Variants in CNTNAP3 observed in about 807,000 individuals in gnomAD.
CNTNAP3 encodes contactin-associated protein-like 3.
CNTNAP3 carries 36 observed loss-of-function variants against 92.1 expected under a neutral mutation model. The ratio of observed to expected loss-of-function variants is 0.39; its 90% confidence interval spans 0.30 to 0.52. The LOEUF (loss-of-function observed/expected upper bound fraction) is 0.52, where lower values mean the gene tolerates loss of function less well. Among genes scored for constraint, CNTNAP3 ranks in the 20% least tolerant of loss-of-function variants. CNTNAP3 has a pLI of 0.76. For missense variants in CNTNAP3, 534 were observed against 1,069.6 expected (o/e 0.50, Z 6.98); for synonymous variants, 232 against 422.3 (o/e 0.55, Z 5.53).
At chr9:39,179,348 C>G (rs1053448815) in intron 4 of CNTNAP3, among the ~76,000 whole-genome samples, 2 of 120,402 alleles carry the variant, frequency 1.7e-5, no homozygotes, top group Non-Finnish European at 3.4e-5. Flanking sequence ...CACAGGCACA[C>G]AGACATCCTA....
chr9:39,135,122 A>G (rs1373387275), intron 12 of CNTNAP3, among the ~76,000 whole-genome samples: 2 of 152,164 alleles, frequency 1.3e-5, no homozygotes, highest in Non-Finnish European at 2.9e-5. Context: ...CACTTGACTC[A>G]CTTCTCCTTA....
rs1480761785 is a variant in CNTNAP3, at chr9:39,067,471, C to CACTGCAAACTCTGCCT, written c.*6403_*6418dup. On this transcript the variant is annotated 3_prime_UTR_variant, in exon 24 of 24. Transcript: ENST00000297668. ...GGAGTGCAATGGCGCAATCTCGGCCCACTGCAAACTCTGCCTCCCGGGTTC... is the reference window on the plus strand; with the variant it reads ...GGAGTGCAATGGCGCAATCTCGGCCCACTGCAAACTCTGCCTACTGCAAACTCTGCCTCCCGGGTTC... Among the ~76,000 whole-genome samples, 1 of 152,306 alleles carries CACTGCAAACTCTGCCT rather than the reference C, an allele frequency of 6.6e-6. No homozygotes were observed. Among genetic ancestry groups the CACTGCAAACTCTGCCT allele is most frequent in the African/African-American group, 2.4e-5 (1 of 41,482 alleles).
intron 12 of CNTNAP3, among the ~76,000 whole-genome samples, chr9:39,138,231 T>A (rs1410951106): frequency 6.6e-6 from 1 of 152,124 alleles, no homozygotes; most frequent in African/African-American, 2.4e-5. Context: ...TAACTGTAAC[T>A]GCTGTAAAGA....
At chr9:39,115,215 G>A (rs1820827668) in intron 14 of CNTNAP3, among the ~76,000 whole-genome samples, 1 of 150,674 alleles carries the variant, frequency 6.6e-6, no homozygotes, top group Non-Finnish European at 1.5e-5. Flanking sequence ...ACATATGCCT[G>A]AAGAGACTTA....
At position 39,118,175 on chromosome 9, in the gene CNTNAP3, C is replaced by T; in HGVS notation, c.2165G>A (p.Cys722Tyr). 1 of 1,611,620 alleles carries T rather than the reference C, an allele frequency of 6.2e-7. No homozygotes were observed. Among genetic ancestry groups the T allele is most frequent in the Non-Finnish European group, 8.5e-7 (1 of 1,179,524 alleles). The change falls in exon 14 of 24, where the codon TGT becomes TAT. Residue 722 changes from cysteine (C) to tyrosine (Y), a missense_variant. Coordinates refer to ENST00000297668, the MANE Select transcript of CNTNAP3 (RefSeq NM_033655.5). ...WGGSLPDAQK[C>Y]TCGLEGNCID... is the part of the protein sequence containing the mutation. ...GCAGTTCCCCTCTAATCCACAAGTA[C>T]ACTTTTGAGCATCAGGCAGAGAACC...
In CNTNAP3 at chr9:39,149,134, T is replaced by C. The variant is rs542396383; in HGVS notation, c.1649+672A>G. Reference sequence around the variant, plus strand: ...TACTTTTTATTTTCTCTGCAGAACATGTGGGGTTGGGTGGCTGATGAATAG... The same window carrying C: ...TACTTTTTATTTTCTCTGCAGAACACGTGGGGTTGGGTGGCTGATGAATAG... On this transcript the variant is annotated intron_variant, in intron 10 of 23. Transcript: ENST00000297668. Among the ~76,000 whole-genome samples, 4 of 152,200 alleles carry C rather than the reference T, an allele frequency of 2.6e-5. No homozygotes were observed. The South Asian group carries it at 8.3e-4, about 32-fold the overall frequency.
At chr9:39,136,160 T>TAATAATAATAATAAA (rs989573403) in intron 12 of CNTNAP3, among the ~76,000 whole-genome samples, 236 of 134,764 alleles carry the variant, frequency 1.8e-3, no homozygotes, top group African/African-American at 6.3e-3. Context: ...ATAATAATAA[T>TAATAATAATAATAAA]AATAAAAATA....
intron 11 of CNTNAP3, among the ~76,000 whole-genome samples, chr9:39,143,330 C>T (rs149892762): frequency 0.012 from 1,884 of 152,196 alleles, 33 homozygotes; most frequent in African/African-American, 0.043. Flanking sequence ...CCATCTCCAG[C>T]GATTCTGATT....
chr9:39,115,866 G>A (rs957496815), intron 14 of CNTNAP3, among the ~76,000 whole-genome samples: 35 of 151,510 alleles, frequency 2.3e-4, no homozygotes, highest in Non-Finnish European at 4.4e-4. Flanking sequence ...CAAGTGATAC[G>A]TTCCTCTGGT....
Position 39,178,329 on chromosome 9 carries a change from AC to A in CNTNAP3, c.569del (p.Ser190MetfsTer12). 1 of 438,804 alleles carries A rather than the reference AC, an allele frequency of 2.3e-6. No individual in the cohort carries two copies. The highest frequency in any genetic ancestry group is 3.0e-5 in the South Asian group (1 of 33,464). 27.2% of individuals were successfully genotyped at this position (438,804 alleles called of 1,614,324 possible). Reference sequence around the variant, plus strand: ...TTTTATCAAGTCTATACAGCAGAGCACTTTGTCCATCAAAATAAACCACCTC... The same window carrying A: ...TTTTATCAAGTCTATACAGCAGAGCATTTGTCCATCAAAATAAACCACCTC... ...KSEVVYFDGQ[S>X]ALLYRLDKKP... On this transcript the variant is annotated frameshift_variant, in exon 5 of 24. Coordinates refer to ENST00000297668, the MANE Select transcript of CNTNAP3 (RefSeq NM_033655.5). LOFTEE classifies it high-confidence loss of function.
At position 39,180,579 on chromosome 9, in the gene CNTNAP3, A is replaced by G. The variant is rs182264360; in HGVS notation, c.539-2219T>C. On this transcript the variant is annotated intron_variant, in intron 4 of 23. Coordinates refer to ENST00000297668, the MANE Select transcript of CNTNAP3 (RefSeq NM_033655.5). ...TCTAGAAATTTAAGAATATACTTATAGCTCATTATGCATATTTTAAAATAA... is the reference window on the plus strand; with the variant it reads ...TCTAGAAATTTAAGAATATACTTATGGCTCATTATGCATATTTTAAAATAA... 3.7e-4 allele frequency among the ~76,000 whole-genome samples: 55 copies of G among 147,742 alleles called. No individual in the cohort carries two copies. The East Asian group carries it at 8.9e-3, about 24-fold the overall frequency.
In CNTNAP3 at chr9:39,133,025, C is replaced by T. The variant is rs769642592; in HGVS notation, c.1987G>A (p.Ala663Thr). 1.2e-5 allele frequency: 19 copies of T among 1,542,784 alleles called. No homozygotes were observed. The African/African-American group carries it at 2.0e-4, about 17-fold the overall frequency. The change falls in exon 13 of 24, where the codon GCG becomes ACG. Residue 663 changes from alanine to threonine, a missense_variant. Coordinates refer to ENST00000297668, the MANE Select transcript of CNTNAP3 (RefSeq NM_033655.5). ...SAVSFAYAAG[A>T]GQLRSAVNLA... is the part of the protein sequence containing the mutation. ...TTCACCGCGGACCGCAGCTGCCCCG[C>T]GCCCGCTGCGTACGCGAAGGACACA... is the stretch of plus-strand genomic sequence containing the variant.
Position 39,071,257 on chromosome 9 carries a change from T to C in CNTNAP3, c.*2633A>G, listed in dbSNP as rs923633633. ...AGTAATAGAGACACGGGGTAGAATA[T>C]GTCACGTATCAGTAGTAACTACTAT... On this transcript the variant is annotated 3_prime_UTR_variant, in exon 24 of 24. Coordinates refer to ENST00000297668, the MANE Select transcript of CNTNAP3 (RefSeq NM_033655.5). Among the ~76,000 whole-genome samples the C allele has an allele frequency of 6.6e-6, 1 of 150,988 alleles. No homozygotes were observed. The highest frequency in any genetic ancestry group is 2.5e-5 in the African/African-American group (1 of 40,620).
intron 14 of CNTNAP3, among the ~76,000 whole-genome samples, chr9:39,115,632 C>T (rs1451141664): frequency 4.6e-5 from 7 of 151,846 alleles, no homozygotes; most frequent in Non-Finnish European, 8.8e-5. Flanking sequence ...AATGACTCCA[C>T]AATGCTCCCT....
intron 18 of CNTNAP3, among the ~76,000 whole-genome samples, chr9:39,099,085 C>T (rs1414054570): frequency 6.6e-6 from 1 of 151,884 alleles, no homozygotes; most frequent in African/African-American, 2.4e-5. Flanking sequence ...AGCAATTCTC[C>T]TGCCTCAGCC....
At chr9:39,150,247 G>A (rs1210317275) in intron 9 of CNTNAP3, among the ~76,000 whole-genome samples, 1 of 149,942 alleles carries the variant, frequency 6.7e-6, no homozygotes. Flanking sequence ...GTGAAAAGAG[G>A]TTTGGCTTCT....
chr9:39,143,981 T>C (rs1270489011), intron 11 of CNTNAP3, among the ~76,000 whole-genome samples: 1 of 152,238 alleles, frequency 6.6e-6, no homozygotes, highest in Non-Finnish European at 1.5e-5. Context: ...CCTTTTACTA[T>C]ATCTGATTCT....
At position 39,072,986 on chromosome 9, in the gene CNTNAP3, T is replaced by A. The variant is rs1464770415; in HGVS notation, c.*904A>T. The A allele has an allele frequency of 6.5e-6, 1 of 152,742 alleles. No individual in the cohort carries two copies. The highest frequency in any genetic ancestry group is 1.5e-5 in the Non-Finnish European group (1 of 68,060). The allele number at this position is 152,742 out of a possible 1,614,324, so 9.5% of individuals were successfully genotyped here. A position where few individuals can be genotyped will look rare whatever the true frequency, so the allele number is the denominator to read the frequency against. ...AAGGATAACTCTGTGTAAGAAGTAT[T>A]GTTTGTATCTGGTGGTAAATTTAGT... On this transcript the variant is annotated 3_prime_UTR_variant, in exon 24 of 24. Transcript: ENST00000297668.
intron 17 of CNTNAP3, among the ~76,000 whole-genome samples, chr9:39,102,210 G>T (rs1318868499): frequency 6.6e-6 from 1 of 152,272 alleles, no homozygotes; most frequent in Admixed American, 6.5e-5. Context: ...AACCCGGCAG[G>T]TGGAGGTTTC....
Sources: gnomAD v4.1 joint callset for allele counts (sites outside exome capture counted in the v4.1 genomes callset) on GRCh38, gnomAD v4.1.1 for gene constraint, MANE v1.5 for transcripts, NCBI Gene and HGNC (gene_info 2026-07-23, HGNC 2026-07-21) for gene names.